KANSL1: variants seen among roughly 807,000 people sequenced by gnomAD.
The protein encoded by KANSL1 is KAT8 regulatory NSL complex subunit 1.
Under a neutral mutation model 103.6 loss-of-function variants are expected in KANSL1, and 22 were observed. The ratio of observed to expected loss-of-function variants is 0.21; its 90% confidence interval spans 0.15 to 0.30. KANSL1 has a LOEUF of 0.30. KANSL1 is among the 10% of genes least tolerant of loss of function. KANSL1 has a pLI of 1.00. For missense variants in KANSL1, 1,337 were observed against 1,399.8 expected, an observed-to-expected ratio of 0.96 and a Z score of 0.72; for synonymous variants, 600 against 527.6, an observed-to-expected ratio of 1.14 and a Z score of -1.88.
At chr17:46,078,104 A>G (rs2078854274) in intron 4 of KANSL1, among the ~76,000 whole-genome samples, 1 of 152,110 alleles carries the variant, frequency 6.6e-6, no homozygotes, top group Non-Finnish European at 1.5e-5. Context: ...TACTACTACT[A>G]CCTGGTTACC....
At chr17:46,082,347 C>A in intron 4 of KANSL1, 94 bp downstream of exon 4, 1 of 713,724 alleles carries the variant, frequency 1.4e-6, no homozygotes. Context: ...CTTCTTCAGC[C>A]AATGCAAGGA....
At chr17:46,144,679 TA>T (rs143437112) in intron 2 of KANSL1, among the ~76,000 whole-genome samples, 1,696 of 149,860 alleles carry the variant, frequency 0.011, 30 homozygotes, top group African/African-American at 0.04. Context: ...TACTACATAA[TA>T]AAAAAAAAAT....
chr17:46,045,913 G>GA (rs1568382445), intron 7 of KANSL1: 1 of 152,248 alleles, frequency 6.6e-6, no homozygotes, highest in African/African-American at 2.4e-5. Flanking sequence ...GATATCCAAT[G>GA]AGTGTGCTTA....
chr17:46,032,984 C>T (rs2077051433), intron 13 of KANSL1, 96 bp downstream of exon 13: 1 of 926,632 alleles, frequency 1.1e-6, no homozygotes. Context: ...GATGAGCAAC[C>T]AAGAGGCAGT....
intron 4 of KANSL1, among the ~76,000 whole-genome samples, chr17:46,074,245 G>A (rs774431244): frequency 1.3e-5 from 2 of 152,106 alleles, no homozygotes; most frequent in South Asian, 2.1e-4. Context: ...CTGAAAGAGC[G>A]CCCAATACCC....
Position 46,203,159 on chromosome 17 carries a change from C to T in KANSL1, c.-90+20512G>A, listed in dbSNP as rs146660472. Among the ~76,000 whole-genome samples, 1,462 of 152,064 alleles carry T rather than the reference C, an allele frequency of 9.6e-3. 19 individuals carry two copies. The highest frequency in any genetic ancestry group is 0.034 in the African/African-American group (1,414 of 41,444). On this transcript the variant is annotated intron_variant, in intron 1 of 14. Transcript: ENST00000572904. Reference sequence around the variant, plus strand: ...AAGCAGGAGAATTGCTTGAACCCAGCGGGAGGTAGAGGTTGCAGTGTCAGT... The same window carrying T: ...AAGCAGGAGAATTGCTTGAACCCAGTGGGAGGTAGAGGTTGCAGTGTCAGT...
At chr17:46,162,401 T>C (rs2045787632) in intron 2 of KANSL1, among the ~76,000 whole-genome samples, 1 of 152,228 alleles carries the variant, frequency 6.6e-6, no homozygotes, top group African/African-American at 2.4e-5. Context: ...CAGAGCCTAA[T>C]CGGGGGCTCT....
At chr17:46,088,350 C>G in intron 3 of KANSL1, 1 of 152,342 alleles carries the variant, frequency 6.6e-6, no homozygotes, top group East Asian at 1.9e-4. Flanking sequence ...ACCAGTTCCA[C>G]AAGAATCACC....
chr17:46,071,504 C>T (rs1302632231), intron 4 of KANSL1, among the ~76,000 whole-genome samples: 2 of 152,214 alleles, frequency 1.3e-5, no homozygotes, highest in East Asian at 3.8e-4. Flanking sequence ...TTTCACCTAG[C>T]TCCTTAAATG....
In KANSL1 at chr17:46,059,647, A is replaced by AAAGAGAGAG. The variant is rs541946204; in HGVS notation, c.1848+6889_1848+6890insCTCTCTCTT. Among the ~76,000 whole-genome samples, 496 of 54,896 alleles carry AAAGAGAGAG rather than the reference A, an allele frequency of 9.0e-3. 10 individuals are homozygous for AAAGAGAGAG. Among genetic ancestry groups the AAAGAGAGAG allele is most frequent in the African/African-American group, 0.024 (357 of 14,884 alleles). The allele number at this position is 54,896 out of a possible 152,430, so 36.0% of individuals were successfully genotyped here. A position where few individuals can be genotyped will look rare whatever the true frequency, so the allele number is the denominator to read the frequency against. ...TGACTCCAAAAAAAAAAAAAAAAAA[A>AAAGAGAGAG]AGAGAGAGAGAGAGAGAGAAAAGGA... is the stretch of plus-strand genomic sequence containing the variant. On this transcript the variant is annotated intron_variant, in intron 6 of 14. Transcript: ENST00000432791.
At chr17:46,120,858 C>T (rs1449790203) in intron 2 of KANSL1, among the ~76,000 whole-genome samples, 1 of 152,164 alleles carries the variant, frequency 6.6e-6, no homozygotes, top group Non-Finnish European at 1.5e-5. Context: ...CCAAAAAATA[C>T]AGCTAGATTC....
chr17:46,064,053 T>TAAAAAA (rs58111244), intron 6 of KANSL1, among the ~76,000 whole-genome samples: 2 of 105,738 alleles, frequency 1.9e-5, no homozygotes, highest in African/African-American at 3.5e-5. Flanking sequence ...CGACTATTAG[T>TAAAAAA]AAAAAAAAAA....
At chr17:46,051,848 C>A (rs1273420864) in intron 6 of KANSL1, among the ~76,000 whole-genome samples, 1 of 152,166 alleles carries the variant, frequency 6.6e-6, no homozygotes, top group Non-Finnish European at 1.5e-5. Context: ...TACATAAGAA[C>A]AATGTGGTCT....
At chr17:46,149,736 G>A (rs186456467) in intron 2 of KANSL1, among the ~76,000 whole-genome samples, 200 of 152,202 alleles carry the variant, frequency 1.3e-3, no homozygotes, top group African/African-American at 4.3e-3. Context: ...GGCTGGGCAC[G>A]GTGGCTCACG....
chr17:46,212,368 G>A (rs376289285), intron 1 of KANSL1, among the ~76,000 whole-genome samples: 19 of 151,946 alleles, frequency 1.3e-4, no homozygotes, highest in African/African-American at 3.9e-4. Flanking sequence ...TTTCAGGCAC[G>A]TGCCACCACG....
intron 6 of KANSL1, among the ~76,000 whole-genome samples, chr17:46,057,316 AG>A (rs2077968660): frequency 6.6e-6 from 1 of 152,214 alleles, no homozygotes; most frequent in Non-Finnish European, 1.5e-5. Context: ...AGAGGATAGT[AG>A]AAAACTAATT....
intron 5 of KANSL1, among the ~76,000 whole-genome samples, chr17:46,067,172 A>C (rs935359778): frequency 6.6e-6 from 1 of 152,220 alleles, no homozygotes; most frequent in Non-Finnish European, 1.5e-5. Context: ...AATCTCCCTG[A>C]ATCTTTTGTT....
intron 5 of KANSL1, 28 bp downstream of exon 5, chr17:46,067,521 T>G: frequency 7.7e-7 from 1 of 1,297,692 alleles, no homozygotes; most frequent in African/African-American, 1.5e-5. Context: ...GTCTACTAAG[T>G]GTAGGAAGTA....
Position 46,091,402 on chromosome 17 carries a change from G to C in KANSL1, c.1431+3158C>G, listed in dbSNP as rs2079382571. Among the ~76,000 whole-genome samples, 4 of 152,200 alleles carry C rather than the reference G, an allele frequency of 2.6e-5. No individual in the cohort carries two copies. In the South Asian group the frequency reaches 8.3e-4, roughly 32 times the overall value. ...AAGCAAAAAGTTATAGTAAGCTAAGGTTAATTTATTATTGAAAAAAATATT... is the reference window on the plus strand; with the variant it reads ...AAGCAAAAAGTTATAGTAAGCTAAGCTTAATTTATTATTGAAAAAAATATT... On this transcript the variant is annotated intron_variant, in intron 3 of 14. Transcript: ENST00000432791.
Sources: allele counts gnomAD v4.1 joint callset (sites outside exome capture counted in the v4.1 genomes callset), GRCh38; gene constraint gnomAD v4.1.1; transcripts MANE v1.5; gene names NCBI Gene and HGNC (gene_info 2026-07-23, HGNC 2026-07-21).